CSMD1: variants seen among roughly 807,000 people sequenced by gnomAD.
The protein encoded by CSMD1 is CUB and sushi domain-containing protein 1.
Under a neutral mutation model 417.5 loss-of-function variants are expected in CSMD1, and 213 were observed. The ratio of observed to expected loss-of-function variants is 0.51; its 90% CI spans 0.46 to 0.57. The LOEUF (loss-of-function observed/expected upper bound fraction) is 0.57. Among genes scored for constraint, CSMD1 ranks in the 20% least tolerant of loss-of-function variants. The pLI is 0.00. For synonymous variants in CSMD1, 2,862 were observed against 1,736.8 expected, an observed-to-expected ratio of 1.65 and a Z score of -16.11; for missense variants, 6,923 against 4,529.7, an observed-to-expected ratio of 1.53 and a Z score of -15.17.
At chr8:4,247,304 C>A (rs1438320990) in intron 3 of CSMD1, among the ~76,000 whole-genome samples, 1 of 152,134 alleles carries the variant, frequency 6.6e-6, no homozygotes, top group South Asian at 2.1e-4. Context: ...GGTCAATTGT[C>A]TTCTCTACCA....
intron 2 of CSMD1, among the ~76,000 whole-genome samples, chr8:4,556,854 T>C (rs565073140): frequency 9.9e-5 from 15 of 152,284 alleles, no homozygotes; most frequent in Admixed American, 8.5e-4. Flanking sequence ...GATGTGTAAC[T>C]AATACGTATA....
rs1293204151 is a variant in CSMD1 at position 2,955,583 on chromosome 8, A to T, written c.9994+6T>A. ...AAAGTATGCCACTCCTTGATCAATG[A>T]CTTACTTTTACACACAGGCGACTTT... is the stretch of plus-strand genomic sequence containing the variant. On this transcript the variant is annotated splice_donor_region_variant and intron_variant, in intron 64 of 69. Coordinates refer to ENST00000635120, the MANE Select transcript of CSMD1 (RefSeq NM_033225.6). 6.2e-7 allele frequency: 1 copy of T among 1,612,970 alleles called. No individual in the cohort carries two copies. The highest frequency in any genetic ancestry group is 8.5e-7 in the Non-Finnish European group (1 of 1,179,330).
chr8:3,873,031 G>A (rs766913173), intron 5 of CSMD1, among the ~76,000 whole-genome samples: 2 of 151,820 alleles, frequency 1.3e-5, no homozygotes, highest in African/African-American at 2.4e-5. Flanking sequence ...CAGAATTGTT[G>A]TTATTAAAAA....
intron 3 of CSMD1, among the ~76,000 whole-genome samples, chr8:4,240,244 C>A (rs1463402124): frequency 6.6e-6 from 1 of 152,246 alleles, no homozygotes; most frequent in Non-Finnish European, 1.5e-5. Context: ...TAACCTGTTT[C>A]ATGAGGGGCT....
intron 3 of CSMD1, among the ~76,000 whole-genome samples, chr8:4,278,979 T>C (rs949234305): frequency 2.6e-5 from 4 of 152,236 alleles, no homozygotes; most frequent in African/African-American, 7.2e-5. Context: ...TGAAATAAGA[T>C]TGCTATATTG....
chr8:4,899,801 T>C (rs4496983), intron 1 of CSMD1, among the ~76,000 whole-genome samples: 66,175 of 151,864 alleles, frequency 0.44, 15,385 homozygotes, highest in African/African-American at 0.6. Flanking sequence ...AAGCACAGAA[T>C]ATAGAGGGCC....
intron 3 of CSMD1, among the ~76,000 whole-genome samples, chr8:4,160,933 T>G (rs1797121960): frequency 6.6e-6 from 1 of 152,236 alleles, no homozygotes; most frequent in Non-Finnish European, 1.5e-5. Context: ...TTGAGGCCAC[T>G]GCATACCTCA....
chr8:4,925,565 G>C (rs1341889535), intron 1 of CSMD1, among the ~76,000 whole-genome samples: 2 of 119,090 alleles, frequency 1.7e-5, no homozygotes, highest in Non-Finnish European at 3.5e-5. Flanking sequence ...CTTTTTTTTT[G>C]AGACGGAGTC....
chr8:3,751,909 A>G (rs1797361653), intron 6 of CSMD1, among the ~76,000 whole-genome samples: 1 of 152,210 alleles, frequency 6.6e-6, no homozygotes, highest in Non-Finnish European at 1.5e-5. Flanking sequence ...TCTGTTAATC[A>G]ACCTAACTGA....
At chr8:4,888,567 T>C (rs181637558) in intron 1 of CSMD1, among the ~76,000 whole-genome samples, 2 of 152,094 alleles carry the variant, frequency 1.3e-5, no homozygotes, top group East Asian at 3.9e-4. Context: ...TGGACCCCTG[T>C]ACCCTAACTC....
In CSMD1 at chr8:3,387,511, G is replaced by T; in HGVS notation, c.2765C>A (p.Ala922Asp). The change falls in exon 18 of 70, where the codon GCC (alanine) becomes GAC (aspartate). Residue 922 changes from alanine to aspartate, a missense_variant. Coordinates refer to ENST00000635120, the MANE Select transcript of CSMD1 (RefSeq NM_033225.6). ...VCERNHQWNHALPSCDALCGG... is the reference protein window; with the variant it reads ...VCERNHQWNHDLPSCDALCGG... ...GTACCTACCGTCGCAGCTGGGCAAG[G>T]CGTGGTTCCACTGGTGGTTCCTCTC... 6.2e-7 allele frequency: 1 copy of T among 1,601,200 alleles called. No individual in the cohort carries two copies. Among genetic ancestry groups the T allele is most frequent in the Non-Finnish European group, 8.5e-7 (1 of 1,173,828 alleles).
chr8:4,613,008 C>T (rs761270560), intron 2 of CSMD1, among the ~76,000 whole-genome samples: 1 of 152,024 alleles, frequency 6.6e-6, no homozygotes, highest in Non-Finnish European at 1.5e-5. Flanking sequence ...ACATTAGATT[C>T]CCAGGAAAAT....
intron 49 of CSMD1, among the ~76,000 whole-genome samples, chr8:3,053,075 C>G (rs909224206): frequency 3.3e-5 from 5 of 152,182 alleles, no homozygotes; most frequent in Non-Finnish European, 5.9e-5. Flanking sequence ...AGCCACCATG[C>G]CCAGCATGAA....
In CSMD1 at chr8:4,637,436, T is replaced by C. The variant is rs767329658; in HGVS notation, c.208A>G (p.Ile70Val). The C allele has an allele frequency of 1.2e-6, 2 of 1,613,806 alleles. No homozygotes were observed. Among genetic ancestry groups the C allele is most frequent in the Non-Finnish European group, 1.7e-6 (2 of 1,179,854 alleles). ...WIIITGERNR[I>V]QLSFHTFALE... ...GCAAAGGTATGGAAGGACAACTGTATCCTATTGCGCTCGCCCGTGATGATG... is the reference window on the plus strand; with the variant it reads ...GCAAAGGTATGGAAGGACAACTGTACCCTATTGCGCTCGCCCGTGATGATG... The change falls in exon 2 of 70, where the codon ATA (isoleucine) becomes GTA (valine). Residue 70 changes from isoleucine (I) to valine (V), a missense_variant. Physicochemically the swap from Ile to Val is conservative, Grantham distance 29. Coordinates refer to ENST00000635120, the MANE Select transcript of CSMD1 (RefSeq NM_033225.6).
At chr8:3,709,555 T>G (rs1416670388) in intron 6 of CSMD1, among the ~76,000 whole-genome samples, 1 of 152,032 alleles carries the variant, frequency 6.6e-6, no homozygotes, top group Admixed American at 6.6e-5. Flanking sequence ...GGAAAGAAGA[T>G]GGCTCTCCCC....
At chr8:4,349,827 T>C (rs902459710) in intron 3 of CSMD1, among the ~76,000 whole-genome samples, 2 of 152,194 alleles carry the variant, frequency 1.3e-5, no homozygotes, top group African/African-American at 4.8e-5. Flanking sequence ...GACCTTTTTT[T>C]TTTTTTTTTA....
chr8:4,942,699 G>C (rs1398017061), intron 1 of CSMD1, among the ~76,000 whole-genome samples: 1 of 152,116 alleles, frequency 6.6e-6, no homozygotes, highest in Non-Finnish European at 1.5e-5. Context: ...TAGGCAGTTT[G>C]GCAGACACAG....
rs370132015 is a variant in CSMD1, at chr8:3,762,177, C to T, written c.819-8135G>A. On this transcript the variant is annotated intron_variant, in intron 5 of 69. Coordinates refer to ENST00000635120, the MANE Select transcript of CSMD1 (RefSeq NM_033225.6). Reference sequence around the variant, plus strand: ...ATCCCCTGCTTTCTACACCCAGAAACAGCTGACTTCATGCAGGGCGCCATG... The same window carrying T: ...ATCCCCTGCTTTCTACACCCAGAAATAGCTGACTTCATGCAGGGCGCCATG... 2.0e-5 allele frequency among the ~76,000 whole-genome samples: 3 copies of T among 152,158 alleles called. No individual in the cohort carries two copies. The South Asian group carries it at 6.2e-4, about 32-fold the overall frequency.
Position 4,348,669 on chromosome 8 carries a change from G to A in CSMD1, c.415+71284C>T, listed in dbSNP as rs573564482. ...AGGGGGAGAGAGAGAGAGAGAGAGA[G>A]ACTCTTTTGCGTACATATCCGCTTA... On this transcript the variant is annotated intron_variant, in intron 3 of 69. Transcript: ENST00000635120. 6.7e-5 allele frequency among the ~76,000 whole-genome samples: 10 copies of A among 150,282 alleles called. No homozygotes were observed. In the East Asian group the frequency reaches 2.0e-3, roughly 30 times the overall value.
Sources: gnomAD v4.1 joint callset for allele counts (sites outside exome capture counted in the v4.1 genomes callset) on GRCh38, gnomAD v4.1.1 for gene constraint, MANE v1.5 for transcripts, NCBI Gene and HGNC (gene_info 2026-07-23, HGNC 2026-07-21) for gene names.